The following CDH12 variants were observed in gnomAD, a reference collection of about 807,000 sequenced individuals.
CDH12 encodes the protein cadherin 12.
In CDH12, 41 loss-of-function variants were observed where a neutral mutation model predicts 74.1. The observed-to-expected ratio is 0.55, with a 90% CI of 0.43 to 0.72. The LOEUF is 0.72. CDH12 is among the 30% of genes least tolerant of loss of function. The probability of loss-of-function intolerance (pLI) is 0.00; values close to 1 mark genes in which losing one functional copy is unlikely to be tolerated. For missense variants in CDH12, 945 were observed against 977.2 expected (o/e 0.97, Z 0.44); for synonymous variants, 399 against 355.0 (o/e 1.12, Z -1.39).
intron 1 of CDH12, among the ~76,000 whole-genome samples, chr5:22,831,438 A>G (rs1736607846): frequency 6.6e-6 from 1 of 150,596 alleles, no homozygotes; most frequent in Admixed American, 6.7e-5. Flanking sequence ...GAGCATGGTG[A>G]GTGTTATGTC....
intron 6 of CDH12, among the ~76,000 whole-genome samples, chr5:21,972,227 A>C (rs925162179): frequency 1.3e-5 from 2 of 152,096 alleles, no homozygotes; most frequent in African/African-American, 4.8e-5. Context: ...TTATTTCACT[A>C]TATGTATTTT....
chr5:22,770,990 T>C (rs1746776962), intron 1 of CDH12, among the ~76,000 whole-genome samples: 1 of 152,142 alleles, frequency 6.6e-6, no homozygotes, highest in African/African-American at 2.4e-5. Context: ...TTATAATGTT[T>C]ATCAAAAATT....
chr5:22,171,483 T>C (rs185154687), intron 4 of CDH12, among the ~76,000 whole-genome samples: 62 of 152,044 alleles, frequency 4.1e-4, no homozygotes, highest in African/African-American at 1.3e-3. Flanking sequence ...TTGGCATACA[T>C]TTAGACTTTC....
intron 1 of CDH12, among the ~76,000 whole-genome samples, chr5:22,556,909 C>T (rs1738825117): frequency 6.6e-6 from 1 of 152,050 alleles, no homozygotes; most frequent in African/African-American, 2.4e-5. Context: ...CCCTATCTTT[C>T]AATCTCTGTT....
intron 2 of CDH12, among the ~76,000 whole-genome samples, chr5:22,414,325 T>C (rs781127414): frequency 2.0e-5 from 3 of 152,000 alleles, no homozygotes; most frequent in Non-Finnish European, 4.4e-5. Context: ...TATCAATTAC[T>C]GTTTTAATGA....
chr5:22,406,371 T>C (rs2126461099), intron 2 of CDH12, among the ~76,000 whole-genome samples: 1 of 152,236 alleles, frequency 6.6e-6, no homozygotes, highest in African/African-American at 2.4e-5. Context: ...TAACTTGCAG[T>C]CATTGACATG....
chr5:21,812,840 GA>G (rs1747825783), intron 9 of CDH12, among the ~76,000 whole-genome samples: 1 of 152,058 alleles, frequency 6.6e-6, no homozygotes, highest in South Asian at 2.1e-4. Flanking sequence ...CTTTCTAATA[GA>G]ACACTAGGTT....
At chr5:22,663,536 A>G (rs2126901342) in intron 1 of CDH12, among the ~76,000 whole-genome samples, 1 of 152,320 alleles carries the variant, frequency 6.6e-6, no homozygotes, top group South Asian at 2.1e-4. Context: ...AATAGAAAAT[A>G]ATTCACATAC....
At chr5:22,636,309 C>T (rs995793149) in intron 1 of CDH12, among the ~76,000 whole-genome samples, 3 of 152,068 alleles carry the variant, frequency 2.0e-5, no homozygotes, top group Non-Finnish European at 4.4e-5. Flanking sequence ...ATTATTTTCA[C>T]CCCTAAGTGT....
At chr5:22,830,611 C>CAT (rs142545713) in intron 1 of CDH12, among the ~76,000 whole-genome samples, 870 of 151,760 alleles carry the variant, frequency 5.7e-3, no homozygotes, top group Non-Finnish European at 8.8e-3. Context: ...TGTGTGTGTA[C>CAT]ATATATATAC....
At chr5:22,474,561 A>T (rs1412956245) in intron 2 of CDH12, among the ~76,000 whole-genome samples, 1 of 152,152 alleles carries the variant, frequency 6.6e-6, no homozygotes, top group Admixed American at 6.6e-5. Context: ...AATATTGGAA[A>T]GGGAATTAAT....
At chr5:22,317,489 A>G (rs1344062435) in intron 3 of CDH12, among the ~76,000 whole-genome samples, 1 of 152,152 alleles carries the variant, frequency 6.6e-6, no homozygotes, top group Non-Finnish European at 1.5e-5. Context: ...ATTTAAAGAG[A>G]TTATAAGACA....
rs768945480 is a variant in CDH12, at chr5:22,452,880, C to CAAAAAAAAAAAAAA, written c.-427-47543_-427-47530dup. Reference sequence around the variant, plus strand: ...ATAAGAAACTCAAACAACCTAAGAGCAAAAAAAAAAAAAAAAAAAAAAAAT... The same window carrying CAAAAAAAAAAAAAA: ...ATAAGAAACTCAAACAACCTAAGAGCAAAAAAAAAAAAAAAAAAAAAAAAAAAAAAAAAAAAAAT... On this transcript the variant is annotated intron_variant, in intron 2 of 14. Transcript: ENST00000382254. Among the ~76,000 whole-genome samples the CAAAAAAAAAAAAAA allele has an allele frequency of 1.6e-3, 51 of 32,198 alleles. 1 individual carries two copies. The highest frequency in any genetic ancestry group is 2.1e-3 in the Non-Finnish European group (41 of 19,254). The allele number at this position is 32,198 out of a possible 152,430, so 21.1% of individuals were successfully genotyped here.
Position 21,751,771 on chromosome 5 carries a change from T to C in CDH12, c.2351A>G (p.Glu784Gly). Residue 784 changes from glutamate to glycine, a missense_variant, in exon 15 of 15, where the codon GAA becomes GGA. Physicochemically the swap from Glu to Gly is moderately conservative, Grantham distance 98 (BLOSUM62 -2). Around this residue, in one of 3 missense-constraint regions of CDH12, gnomAD observed 791 missense variants for 792.8 expected, o/e 1.00. Coordinates refer to ENST00000382254, the MANE Select transcript of CDH12 (RefSeq NM_004061.5). ...TTTATCAGGGTTATAACTCTCTTCT[T>C]CGCCAAACATGTCTGCCAAGACTTT... ...RFKVLADMFG[E>G]EESYNPDKVT 3.1e-6 allele frequency: 5 copies of C among 1,613,982 alleles called. No homozygotes were observed. Among genetic ancestry groups the C allele is most frequent in the Non-Finnish European group, 4.2e-6 (5 of 1,179,958 alleles).
intron 1 of CDH12, among the ~76,000 whole-genome samples, chr5:22,635,648 G>C (rs1738800685): frequency 6.6e-6 from 1 of 152,174 alleles, no homozygotes. Context: ...GGGCGCGGTG[G>C]CTCAAGCCTG....
intron 6 of CDH12, among the ~76,000 whole-genome samples, chr5:21,891,980 T>G (rs1435365698): frequency 6.6e-6 from 1 of 152,164 alleles, no homozygotes; most frequent in Non-Finnish European, 1.5e-5. Flanking sequence ...CCTGAACCTG[T>G]TCCAATACTG....
intron 1 of CDH12, among the ~76,000 whole-genome samples, chr5:22,551,732 AT>A (rs1355199941): frequency 3.8e-5 from 4 of 104,570 alleles, no homozygotes; most frequent in Non-Finnish European, 8.8e-5. Context: ...TATAAAAAAA[AT>A]AAATAAACCA....
chr5:22,675,889 T>C (rs1248660117), intron 1 of CDH12, among the ~76,000 whole-genome samples: 2 of 27,718 alleles, frequency 7.2e-5, no homozygotes, highest in African/African-American at 3.5e-4. Context: ...ATATATATAC[T>C]TTTGTTTATA....
intron 4 of CDH12, among the ~76,000 whole-genome samples, chr5:22,208,223 A>G (rs1181158332): frequency 6.6e-6 from 1 of 152,116 alleles, no homozygotes; most frequent in Non-Finnish European, 1.5e-5. Context: ...TTCATTTGTA[A>G]GGGAAATAGA....
Sources: allele counts gnomAD v4.1 joint callset (sites outside exome capture counted in the v4.1 genomes callset), GRCh38; gene constraint gnomAD v4.1.1; regional missense constraint gnomAD v4.1.1; transcripts MANE v1.5; gene names NCBI Gene and HGNC (gene_info 2026-07-23, HGNC 2026-07-21).